Variants in KCTD17 observed in about 807,000 individuals in gnomAD.
KCTD17 encodes BTB/POZ domain-containing protein KCTD17.
KCTD17 carries 20 observed loss-of-function variants against 41.5 expected under a neutral mutation model. The ratio of observed to expected loss-of-function variants is 0.48; its 90% CI spans 0.34 to 0.70. KCTD17 has a LOEUF of 0.70. Among genes scored for constraint, KCTD17 ranks in the 30% least tolerant of loss-of-function variants. KCTD17 has a pLI of 0.01. For synonymous variants in KCTD17, 156 were observed against 173.8 expected (o/e 0.90, Z 0.80); for missense variants, 317 against 427.2 (o/e 0.74, Z 2.27).
rs1437703524 is a variant in KCTD17 at position 37,061,674 on chromosome 22, G to T, written c.875+45G>T. 1.3e-6 allele frequency: 2 copies of T among 1,550,658 alleles called. No homozygotes were observed. Among genetic ancestry groups the T allele is most frequent in the African/African-American group, 1.4e-5 (1 of 73,554 alleles). ...TGGAGGGAGGGGTGGAGCGAGGAGG[G>T]TGCTCATCTCTTGATCCTTGGACTT... is the stretch of plus-strand genomic sequence containing the variant. On this transcript the variant is annotated intron_variant, in intron 8 of 8. Transcript: ENST00000403888. This position sits in a 1 kb window ranked among gnomAD's most constrained non-coding sequence, Gnocchi z 6.6.
intron 8 of KCTD17, chr22:37,062,070 C>CCTG (rs1925862193): frequency 1.0e-6 from 1 of 981,316 alleles, no homozygotes; most frequent in African/African-American, 1.8e-5. Flanking sequence ...CTCTTTTCTG[C>CCTG]CTGCTCTGTG....
rs2146004461 is a variant in KCTD17, at chr22:37,062,777, AC to A, written c.*184del. 1 of 1,332,642 alleles carries A rather than the reference AC, an allele frequency of 7.5e-7. No individual in the cohort carries two copies. The highest frequency in any genetic ancestry group is 1.5e-5 in the South Asian group (1 of 65,156). The allele number at this position is 1,332,642 out of a possible 1,614,324, so 82.6% of individuals were successfully genotyped here. A position where few individuals can be genotyped will look rare whatever the true frequency, so the allele number is the denominator to read the frequency against. Reference sequence around the variant, plus strand: ...GCCCCAGGACCTCTGGGCAGAGTGGACTGCTCATGGCAGATGTGTGGCAATG... The same window carrying A: ...GCCCCAGGACCTCTGGGCAGAGTGGATGCTCATGGCAGATGTGTGGCAATG... On this transcript the variant is annotated 3_prime_UTR_variant, in exon 9 of 9. Coordinates refer to ENST00000403888, the MANE Select transcript of KCTD17 (RefSeq NM_001282684.2).
Position 37,063,003 on chromosome 22 carries a change from T to G in KCTD17, c.*409T>G. 1 of 189,138 alleles carries G rather than the reference T, an allele frequency of 5.3e-6. No homozygotes were observed. Among genetic ancestry groups the G allele is most frequent in the Non-Finnish European group, 1.1e-5 (1 of 91,964 alleles). The allele number at this position is 189,138 out of a possible 1,614,324, so 11.7% of individuals were successfully genotyped here. A position where few individuals can be genotyped will look rare whatever the true frequency, so the allele number is the denominator to read the frequency against. Reference sequence around the variant, plus strand: ...TCCCTGAAGGCCCTCAGGCAGTATATAGGGGCCGCCCACCTTCAGCTGCCC... The same window carrying G: ...TCCCTGAAGGCCCTCAGGCAGTATAGAGGGGCCGCCCACCTTCAGCTGCCC... On this transcript the variant is annotated 3_prime_UTR_variant, in exon 9 of 9. Transcript: ENST00000403888. This position sits in a 1 kb window ranked among gnomAD's most constrained non-coding sequence, Gnocchi z 4.6.
intron 2 of KCTD17, among the ~76,000 whole-genome samples, 166 bp from the exon 3 acceptor site, chr22:37,056,154 A>G (rs1925080458): frequency 6.6e-6 from 1 of 152,140 alleles, no homozygotes; most frequent in Admixed American, 6.5e-5. Context: ...GTGGGATCCA[A>G]GGAAAGAAAT....
chr22:37,056,796 T>C (rs148582611), intron 3 of KCTD17, among the ~76,000 whole-genome samples: 6 of 152,236 alleles, frequency 3.9e-5, no homozygotes, highest in Non-Finnish European at 8.8e-5. Context: ...GATTAGCAAA[T>C]TGTGCCTTTT....
intron 8 of KCTD17, 163 bp from the exon 9 acceptor site, chr22:37,062,361 AC>A (rs1247177393): frequency 1.0e-6 from 1 of 954,444 alleles, no homozygotes; most frequent in Non-Finnish European, 1.2e-6. Flanking sequence ...CCTCAGCCCC[AC>A]CCCCTCCTCC....
At position 37,060,938 on chromosome 22, in the gene KCTD17, A is replaced by G; in HGVS notation, c.712+16A>G. The G allele has an allele frequency of 6.5e-7, 1 of 1,537,690 alleles. No homozygotes were observed. Among genetic ancestry groups the G allele is most frequent in the Non-Finnish European group, 8.8e-7 (1 of 1,139,082 alleles). On this transcript the variant is annotated intron_variant, in intron 6 of 8. Coordinates refer to ENST00000403888, the MANE Select transcript of KCTD17 (RefSeq NM_001282684.2). ...CAGGAGAAAGGTGCAGCCAACCCCCAGGAGGATGATTGCTAAGCAAAGCCG... is the reference window on the plus strand; with the variant it reads ...CAGGAGAAAGGTGCAGCCAACCCCCGGGAGGATGATTGCTAAGCAAAGCCG...
At position 37,061,333 on chromosome 22, in the gene KCTD17, C is replaced by G; in HGVS notation, c.784+158C>G. The stretch of plus-strand genomic sequence containing the variant: ...CCTCCCGTGCCCTCCACCCAGGCCC[C>G]CTGGCCCTGCATCCCAGAGCGTCCT... On this transcript the variant is annotated intron_variant, in intron 7 of 8. Coordinates refer to ENST00000403888, the MANE Select transcript of KCTD17 (RefSeq NM_001282684.2). This position sits in a 1 kb window ranked among gnomAD's most constrained non-coding sequence, Gnocchi z 6.6. 2.0e-6 allele frequency: 3 copies of G among 1,491,448 alleles called. No individual in the cohort carries two copies. Among genetic ancestry groups the G allele is most frequent in the Non-Finnish European group, 2.7e-6 (3 of 1,122,068 alleles). The allele number at this position is 1,491,448 out of a possible 1,614,324, so 92.4% of individuals were successfully genotyped here. A position where few individuals can be genotyped will look rare whatever the true frequency, so the allele number is the denominator to read the frequency against.
At chr22:37,060,687 G>A (rs1925672897) in intron 5 of KCTD17, 136 bp from the exon 6 acceptor site, 4 of 1,306,946 alleles carry the variant, frequency 3.1e-6, no homozygotes, top group Non-Finnish European at 4.0e-6. Context: ...CCCAGCTTCT[G>A]TGGCTGGAGC....
At chr22:37,052,373 C>T in intron 1 of KCTD17, 1 of 380,738 alleles carries the variant, frequency 2.6e-6, no homozygotes, top group African/African-American at 2.1e-5. Flanking sequence ...CCCTGGGGCG[C>T]CTTCTGAGCG....
intron 2 of KCTD17, among the ~76,000 whole-genome samples, chr22:37,055,930 G>C (rs1297489340): frequency 6.6e-6 from 1 of 152,212 alleles, no homozygotes; most frequent in African/African-American, 2.4e-5. Context: ...TAATGCACCT[G>C]GCACTTAGAA....
At chr22:37,059,475 C>T in intron 5 of KCTD17, 37 bp downstream of exon 5, 2 of 1,578,138 alleles carry the variant, frequency 1.3e-6, no homozygotes, top group Admixed American at 1.7e-5. Context: ...CCGGAGAAGT[C>T]TCCTGTCTCC....
At chr22:37,056,235 G>A (rs1925090098) in intron 2 of KCTD17, 85 bp from the exon 3 acceptor site, 1 of 1,154,888 alleles carries the variant, frequency 8.7e-7, no homozygotes, top group Admixed American at 2.1e-5. Context: ...CAGAGCGAGA[G>A]GTGGGTTTCG....
rs548325824 is a variant in KCTD17, at chr22:37,061,850, G to A, written c.875+221G>A. On this transcript the variant is annotated intron_variant, in intron 8 of 8. Transcript: ENST00000403888. The surrounding 1 kb of genome is among the most constrained non-coding windows in gnomAD (Gnocchi z 6.6). ...CCAGAGCCAGGCTGGTGGGGAGGGA[G>A]GGACCGCTGAAGCCAGAGGCCCTGG... 3.5e-4 allele frequency: 340 copies of A among 985,422 alleles called. No individual in the cohort carries two copies. In the Admixed American group the frequency reaches 6.5e-3, roughly 19 times the overall value. The allele number at this position is 985,422 out of a possible 1,614,324, so 61.0% of individuals were successfully genotyped here.
Position 37,059,263 on chromosome 22 carries a change from C to T in KCTD17, c.487-50C>T, listed in dbSNP as rs73884697. 5,033 of 1,605,348 alleles carry T rather than the reference C, an allele frequency of 3.1e-3. 111 individuals are homozygous for T. The African/African-American group carries it at 0.057, about 18-fold the overall frequency. On this transcript the variant is annotated intron_variant, in intron 4 of 8. Transcript: ENST00000403888. ...CCGAGGTCTGTCGTATCCTGCCCCA[C>T]GGCCCCCAACACCAACCTGCATTTT...
At chr22:37,062,143 T>C (rs1925868210) in intron 8 of KCTD17, 1 of 984,904 alleles carries the variant, frequency 1.0e-6, no homozygotes, top group Non-Finnish European at 1.2e-6. Flanking sequence ...GACAGACAGC[T>C]GCTCCCTGTG....
chr22:37,052,922 G>T lies in KCTD17; in HGVS notation c.190-178G>T, dbSNP rs565744825. On this transcript the variant is annotated intron_variant, in intron 1 of 8. Transcript: ENST00000403888. The stretch of plus-strand genomic sequence containing the variant: ...TAGCCTAAGGTCACACATTCAGGAA[G>T]AGTCAGAAGCAGGGCTTGAACTCAG... The T allele has an allele frequency of 4.4e-4, 260 of 591,652 alleles. No homozygotes were observed. The African/African-American group carries it at 4.5e-3, about 10-fold the overall frequency. The allele number at this position is 591,652 out of a possible 1,614,324, so 36.7% of individuals were successfully genotyped here. A position where few individuals can be genotyped will look rare whatever the true frequency, so the allele number is the denominator to read the frequency against.
At chr22:37,059,614 G>A in intron 5 of KCTD17, 176 bp downstream of exon 5, 1 of 752,336 alleles carries the variant, frequency 1.3e-6, no homozygotes, top group Non-Finnish European at 2.1e-6. Context: ...CGTTACCCAG[G>A]CCCAGGCTGG....
intron 5 of KCTD17, among the ~76,000 whole-genome samples, chr22:37,060,470 G>A (rs1047017336): frequency 1.3e-5 from 2 of 152,124 alleles, no homozygotes; most frequent in Admixed American, 1.3e-4. Context: ...TTTCTACTGA[G>A]GAGCAGTCTT....
Sources: gnomAD v4.1 joint callset for allele counts (sites outside exome capture counted in the v4.1 genomes callset) on GRCh38, gnomAD v4.1.1 for gene constraint, Gnocchi (gnomAD v3.1) non-coding constraint, MANE v1.5 for transcripts, NCBI Gene and HGNC (gene_info 2026-07-23, HGNC 2026-07-21) for gene names.